The following ADK variants were observed in gnomAD, a reference collection of about 807,000 sequenced individuals.
ADK encodes the protein adenosine kinase, also known as N6,N6-dimethyladenosine kinase.
A neutral mutation model predicts 44.7 loss-of-function variants in ADK; 24 were observed. The observed-to-expected ratio is 0.54, with a 90% CI of 0.39 to 0.76. The LOEUF is 0.76. ADK is among the 30% of genes least tolerant of loss of function. ADK has a pLI of 0.00. For synonymous variants in ADK, 128 were observed against 142.6 expected (o/e 0.90, Z 0.73); for missense variants, 321 against 425.1 (o/e 0.76, Z 2.15).
intron 6 of ADK, among the ~76,000 whole-genome samples, chr10:74,503,372 T>A (rs1311606806): frequency 6.6e-6 from 1 of 152,178 alleles, no homozygotes; most frequent in East Asian, 1.9e-4. Flanking sequence ...ATGTGAGTCA[T>A]CAGAGATTAT....
intron 1 of ADK, among the ~76,000 whole-genome samples, chr10:74,179,414 GGAGA>G (rs1842457605): frequency 6.6e-6 from 1 of 152,144 alleles, no homozygotes; most frequent in East Asian, 1.9e-4. Flanking sequence ...GGATGAGATA[GGAGA>G]TAGTCAGAAG....
At chr10:74,208,045 A>AGTGTC in intron 2 of ADK, among the ~76,000 whole-genome samples, 1 of 152,242 alleles carries the variant, frequency 6.6e-6, no homozygotes, top group Non-Finnish European at 1.5e-5. Context: ...CCCCGAGCAC[A>AGTGTC]TGCACACCTG....
At chr10:74,328,726 C>T (rs959094602) in intron 4 of ADK, among the ~76,000 whole-genome samples, 27 of 152,132 alleles carry the variant, frequency 1.8e-4, no homozygotes, top group African/African-American at 6.3e-4. Context: ...TTCCCCTTTG[C>T]GTTCCAGCGT....
At chr10:74,398,029 A>G (rs997517910) in intron 5 of ADK, among the ~76,000 whole-genome samples, 3 of 152,202 alleles carry the variant, frequency 2.0e-5, no homozygotes, top group Admixed American at 6.5e-5. Flanking sequence ...AATTAATTCC[A>G]TATTTGGCTT....
In ADK at chr10:74,248,353, T is replaced by C. The variant is rs558973619; in HGVS notation, c.194+23762T>C. Among the ~76,000 whole-genome samples the C allele has an allele frequency of 3.3e-5, 5 of 152,200 alleles. No homozygotes were observed. In the South Asian group the frequency reaches 8.3e-4, roughly 25 times the overall value. On this transcript the variant is annotated intron_variant, in intron 3 of 10. Transcript: ENST00000539909. ...TAGATGGAGGGTTAATTGGGTTACATGACCTTTCAGATTGCTTTTTTTTTT... is the reference window on the plus strand; with the variant it reads ...TAGATGGAGGGTTAATTGGGTTACACGACCTTTCAGATTGCTTTTTTTTTT...
chr10:74,167,077 A>G (rs1181091671), intron 1 of ADK, among the ~76,000 whole-genome samples: 2 of 152,236 alleles, frequency 1.3e-5, no homozygotes, highest in Non-Finnish European at 2.9e-5. Flanking sequence ...TGAGTACCTA[A>G]GAGGTAAGTA....
intron 3 of ADK, among the ~76,000 whole-genome samples, chr10:74,239,331 C>T (rs567571155): frequency 1.3e-5 from 2 of 152,094 alleles, no homozygotes; most frequent in East Asian, 1.9e-4. Context: ...ATTAGATCTC[C>T]GTTAGATGAA....
chr10:74,333,160 A>G (rs1308219887), intron 4 of ADK, among the ~76,000 whole-genome samples: 1 of 152,196 alleles, frequency 6.6e-6, no homozygotes, highest in African/African-American at 2.4e-5. Flanking sequence ...AGCTATTTTA[A>G]AAGAAAAATG....
intron 4 of ADK, among the ~76,000 whole-genome samples, chr10:74,357,585 G>A (rs1199850402): frequency 2.0e-5 from 3 of 151,580 alleles, no homozygotes; most frequent in African/African-American, 7.3e-5. Flanking sequence ...ACGGGCATAA[G>A]CCACCATGCC....
chr10:74,463,826 C>T (rs1363433982), intron 6 of ADK, among the ~76,000 whole-genome samples: 1 of 151,924 alleles, frequency 6.6e-6, no homozygotes, highest in African/African-American at 2.4e-5. Context: ...TTCTAAACTG[C>T]CTTAATCCTT....
intron 7 of ADK, among the ~76,000 whole-genome samples, chr10:74,555,826 C>G (rs955648818): frequency 6.6e-6 from 1 of 152,112 alleles, no homozygotes; most frequent in Admixed American, 6.5e-5. Flanking sequence ...AGATTTCCCC[C>G]CATGTAATCA....
At chr10:74,444,797 C>G (rs1845539868) in intron 6 of ADK, among the ~76,000 whole-genome samples, 1 of 151,794 alleles carries the variant, frequency 6.6e-6, no homozygotes, top group Admixed American at 6.6e-5. Context: ...ATTACTTTTC[C>G]TAAAAGATAA....
At chr10:74,437,807 C>A (rs1845237222) in intron 6 of ADK, among the ~76,000 whole-genome samples, 1 of 152,208 alleles carries the variant, frequency 6.6e-6, no homozygotes, top group African/African-American at 2.4e-5. Context: ...AACTTTCTGC[C>A]ATGGTGTATA....
chr10:74,156,713 A>G (rs370472487), intron 1 of ADK, among the ~76,000 whole-genome samples: 1 of 152,224 alleles, frequency 6.6e-6, no homozygotes, highest in Non-Finnish European at 1.5e-5. Flanking sequence ...GGCATCAGCT[A>G]TCTGGTTTGA....
chr10:74,296,246 A>T (rs1839809091), intron 3 of ADK, among the ~76,000 whole-genome samples: 1 of 152,124 alleles, frequency 6.6e-6, no homozygotes, highest in African/African-American at 2.4e-5. Context: ...TTGTAAAAAA[A>T]TTATTTAATA....
At chr10:74,495,988 T>C (rs1216847579) in intron 6 of ADK, among the ~76,000 whole-genome samples, 1 of 152,248 alleles carries the variant, frequency 6.6e-6, no homozygotes, top group Non-Finnish European at 1.5e-5. Flanking sequence ...CCTCAGAAAT[T>C]GTAATCCAGG....
chr10:74,570,274 T>C (rs1048247799), intron 7 of ADK, among the ~76,000 whole-genome samples: 8 of 152,188 alleles, frequency 5.3e-5, no homozygotes, highest in African/African-American at 1.7e-4. Flanking sequence ...TTTGATTCCA[T>C]ATGAACTTTA....
intron 6 of ADK, among the ~76,000 whole-genome samples, chr10:74,432,304 G>A (rs143530415): frequency 8.5e-5 from 13 of 152,156 alleles, no homozygotes; most frequent in African/African-American, 2.7e-4. Flanking sequence ...ATTCAGACAG[G>A]CCATATTCCA....
chr10:74,331,313 G>A (rs939457127), intron 4 of ADK, among the ~76,000 whole-genome samples: 2 of 151,890 alleles, frequency 1.3e-5, no homozygotes, highest in East Asian at 1.9e-4. Context: ...TCACAAACAC[G>A]ATATTCTTAA....
Sources: allele counts gnomAD v4.1 joint callset (sites outside exome capture counted in the v4.1 genomes callset), GRCh38; gene constraint gnomAD v4.1.1; transcripts MANE v1.5; gene names NCBI Gene and HGNC (gene_info 2026-07-23, HGNC 2026-07-21).